The following MCHR2 variants were observed in gnomAD, a reference collection of about 807,000 sequenced individuals.
MCHR2 encodes the protein melanin-concentrating hormone receptor 2.
Under a neutral mutation model 24.8 loss-of-function variants are expected in MCHR2, and 15 were observed. The ratio of observed to expected loss-of-function variants is 0.60; its 90% CI spans 0.40 to 0.93. MCHR2 has a LOEUF of 0.93. Ranked by LOEUF, MCHR2 falls within the 40% of genes least tolerant of loss-of-function variation. MCHR2 has a pLI of 0.00. For missense variants in MCHR2, 386 were observed against 408.7 expected (o/e 0.94, Z 0.48); for synonymous variants, 151 against 147.6 (o/e 1.02, Z -0.17).
intron 4 of MCHR2, among the ~76,000 whole-genome samples, chr6:99,937,675 G>T (rs903153696): frequency 1.3e-5 from 2 of 150,558 alleles, no homozygotes; most frequent in South Asian, 4.2e-4. Flanking sequence ...TTGTTTTCTT[G>T]TGTGTCTCTG....
At chr6:99,933,862 A>G (rs1774596111) in intron 5 of MCHR2, among the ~76,000 whole-genome samples, 1 of 152,116 alleles carries the variant, frequency 6.6e-6, no homozygotes. Context: ...TTATTTATGC[A>G]GCTTTAGAGA....
chr6:99,925,987 C>A (rs1376162677), intron 5 of MCHR2, among the ~76,000 whole-genome samples: 1 of 151,848 alleles, frequency 6.6e-6, no homozygotes, highest in Non-Finnish European at 1.5e-5. Context: ...CTTCCCCCTG[C>A]CCCCACCCCA....
chr6:99,929,791 C>G lies in MCHR2; in HGVS notation c.707+4607G>C, dbSNP rs192619369. Among the ~76,000 whole-genome samples the G allele has an allele frequency of 6.0e-5, 9 of 150,934 alleles. No homozygotes were observed. The East Asian group carries it at 7.7e-4, about 13-fold the overall frequency. Reference sequence around the variant, plus strand: ...CACTGATGCATCTTGACTCTTTATCCAATTTGCCAGTCTGTGTCTTTTAAT... The same window carrying G: ...CACTGATGCATCTTGACTCTTTATCGAATTTGCCAGTCTGTGTCTTTTAAT... On this transcript the variant is annotated intron_variant, in intron 5 of 5. Transcript: ENST00000281806.
chr6:99,971,677 A>G (rs963300808), intron 1 of MCHR2, among the ~76,000 whole-genome samples: 3 of 152,172 alleles, frequency 2.0e-5, no homozygotes, highest in Non-Finnish European at 2.9e-5. Context: ...TGCCCATTCA[A>G]CATGATATTT....
chr6:99,920,870 A>C lies in MCHR2; in HGVS notation c.*70T>G. 1 of 1,457,440 alleles carries C rather than the reference A, an allele frequency of 6.9e-7. No individual in the cohort carries two copies. The highest frequency in any genetic ancestry group is 1.3e-5 in the South Asian group (1 of 79,250). The allele number at this position is 1,457,440 out of a possible 1,614,324, so 90.3% of individuals were successfully genotyped here. ...AGAATGGGCATAAACATATCGGTAC[A>C]CCTGCCCTTTCTGATAATACCAGTA... On this transcript the variant is annotated 3_prime_UTR_variant, in exon 6 of 6. Coordinates refer to ENST00000281806, the MANE Select transcript of MCHR2 (RefSeq NM_001040179.2).
chr6:99,984,211 A>C (rs1775726181), intron 1 of MCHR2, among the ~76,000 whole-genome samples: 1 of 150,586 alleles, frequency 6.6e-6, no homozygotes, highest in Non-Finnish European at 1.5e-5. Flanking sequence ...ATTTCTCTAC[A>C]TTTTTCACTG....
rs753093935 is a variant in MCHR2, at chr6:99,955,995, G to T, written c.153C>A (p.Gly51=). 11 of 1,608,432 alleles carry T rather than the reference G, an allele frequency of 6.8e-6. No homozygotes were observed. Among genetic ancestry groups the T allele is most frequent in the Middle Eastern group, 1.7e-4 (1 of 6,046 alleles). The change falls in exon 2 of 6, where the codon GGC becomes GGA. Residue 51 remains glycine (G), a synonymous_variant. Coordinates refer to ENST00000281806, the MANE Select transcript of MCHR2 (RefSeq NM_001040179.2). ...IGIICSTGLV[G]NILIVFTIIR... ...TTATAGTGAATACAATGAGGATGTT[G>T]CCAACCAGCCCTGTTGAACAGATAA...
In MCHR2 at chr6:99,918,926, T is replaced by C. The variant is rs1774169743; in HGVS notation, c.*2014A>G. Among the ~76,000 whole-genome samples the C allele has an allele frequency of 6.6e-6, 1 of 152,168 alleles. No homozygotes were observed. The highest frequency in any genetic ancestry group is 2.4e-5 in the African/African-American group (1 of 41,442). ...ACTGCTACTAGAAAAAGGTCTGTGG[T>C]TTAAAGCTAAGTCTTTAAAATCATA... On this transcript the variant is annotated 3_prime_UTR_variant, in exon 6 of 6. Coordinates refer to ENST00000281806, the MANE Select transcript of MCHR2 (RefSeq NM_001040179.2).
rs186400059 is a variant in MCHR2, at chr6:99,962,681, T to C, written c.-27-6507A>G. 2.0e-4 allele frequency among the ~76,000 whole-genome samples: 30 copies of C among 152,140 alleles called. No individual in the cohort carries two copies. In the East Asian group the frequency reaches 5.8e-3, roughly 29 times the overall value. On this transcript the variant is annotated intron_variant, in intron 1 of 5. Transcript: ENST00000281806. Reference sequence around the variant, plus strand: ...ATAGGGGAAATCTTCATGATATTGGTTTTGACAATGATTTCTTGGATATGA... The same window carrying C: ...ATAGGGGAAATCTTCATGATATTGGCTTTGACAATGATTTCTTGGATATGA...
intron 2 of MCHR2, among the ~76,000 whole-genome samples, chr6:99,951,587 C>A (rs550951197): frequency 6.6e-6 from 1 of 152,252 alleles, no homozygotes; most frequent in East Asian, 1.9e-4. Flanking sequence ...TGGACCACAG[C>A]TCATCTGAAC....
intron 1 of MCHR2, among the ~76,000 whole-genome samples, chr6:99,976,900 C>T (rs960546314): frequency 1.3e-5 from 2 of 152,224 alleles, no homozygotes; most frequent in Non-Finnish European, 2.9e-5. Flanking sequence ...CGCTTGCTGG[C>T]CCCTTGCCAC....
intron 3 of MCHR2, among the ~76,000 whole-genome samples, chr6:99,945,389 T>C (rs1464987091): frequency 2.0e-5 from 3 of 152,210 alleles, no homozygotes; most frequent in Non-Finnish European, 4.4e-5. Context: ...GTAGCTTTCA[T>C]TTGAAGGCAA....
chr6:99,929,656 G>A (rs2114495711), intron 5 of MCHR2, among the ~76,000 whole-genome samples: 1 of 152,088 alleles, frequency 6.6e-6, no homozygotes, highest in Admixed American at 6.6e-5. Context: ...GACTAGGATT[G>A]CAACCCCTGC....
At chr6:99,961,073 T>C (rs1775174060) in intron 1 of MCHR2, among the ~76,000 whole-genome samples, 1 of 151,952 alleles carries the variant, frequency 6.6e-6, no homozygotes, top group Non-Finnish European at 1.5e-5. Flanking sequence ...AATTTTGCAA[T>C]CTACCCATCT....
chr6:99,952,198 T>G (rs972785739), intron 2 of MCHR2, among the ~76,000 whole-genome samples: 4 of 152,138 alleles, frequency 2.6e-5, no homozygotes, highest in Admixed American at 2.6e-4. Flanking sequence ...TGCCTACATT[T>G]TCTAAACTGG....
chr6:99,972,098 C>G (rs1775436102), intron 1 of MCHR2, among the ~76,000 whole-genome samples: 1 of 152,188 alleles, frequency 6.6e-6, no homozygotes, highest in African/African-American at 2.4e-5. Context: ...GGAGGATTCC[C>G]TCTTTTTCTA....
intron 4 of MCHR2, 58 bp downstream of exon 4, chr6:99,942,891 A>C: frequency 7.0e-7 from 1 of 1,424,234 alleles, no homozygotes; most frequent in Non-Finnish European, 9.6e-7. Flanking sequence ...GTTGACAAGG[A>C]GAATGAAGTT....
intron 1 of MCHR2, among the ~76,000 whole-genome samples, chr6:99,960,260 A>C (rs181553379): frequency 9.9e-5 from 15 of 152,274 alleles, no homozygotes; most frequent in African/African-American, 3.1e-4. Context: ...AATTAAAGAG[A>C]GATAAAGACT....
rs1241682736 is a variant in MCHR2 at position 99,919,098 on chromosome 6, A to G, written c.*1842T>C. 5.3e-5 allele frequency among the ~76,000 whole-genome samples: 8 copies of G among 152,210 alleles called. No individual in the cohort carries two copies. The highest frequency in any genetic ancestry group is 1.0e-4 in the Non-Finnish European group (7 of 68,038). On this transcript the variant is annotated 3_prime_UTR_variant, in exon 6 of 6. Coordinates refer to ENST00000281806, the MANE Select transcript of MCHR2 (RefSeq NM_001040179.2). ...ACTGTTGCATCTTAGAAAAGTGAGA[A>G]TGAAGACCCCTGAAACTGTGGCCAT...
Sources: allele counts gnomAD v4.1 joint callset (sites outside exome capture counted in the v4.1 genomes callset), GRCh38; gene constraint gnomAD v4.1.1; transcripts MANE v1.5; gene names NCBI Gene and HGNC (gene_info 2026-07-23, HGNC 2026-07-21).